Variants in RHOBTB1 observed in about 807,000 individuals in gnomAD.
RHOBTB1 encodes Rho related BTB domain containing 1, also known as rho-related BTB domain-containing protein 1.
In RHOBTB1, 40 loss-of-function variants were observed where a neutral mutation model predicts 71.6. The observed-to-expected ratio is 0.56, with a 90% CI of 0.43 to 0.73. The LOEUF (loss-of-function observed/expected upper bound fraction) is 0.73. RHOBTB1 is among the 30% of genes least tolerant of loss of function. The pLI, the probability that RHOBTB1 is intolerant of heterozygous loss-of-function variation, is 0.00. For synonymous variants in RHOBTB1, 319 were observed against 334.9 expected (o/e 0.95, Z 0.52); for missense variants, 797 against 894.0 (o/e 0.89, Z 1.38).
rs972487022 is a variant in RHOBTB1 at position 60,957,679 on chromosome 10, G to C, written c.-61-15825C>G. Among the ~76,000 whole-genome samples the C allele has an allele frequency of 4.6e-5, 7 of 152,162 alleles. No individual in the cohort carries two copies. The East Asian group carries it at 1.2e-3, about 25-fold the overall frequency. On this transcript the variant is annotated intron_variant, in intron 2 of 11. Transcript: ENST00000357917. ...AAGTAGTGGTAAAAGAAAAAAAAAA[G>C]GTTTTTGGATAACTTGGAAATTTAA... is the stretch of plus-strand genomic sequence containing the variant.
At chr10:60,930,686 A>C (rs1291136534) in intron 2 of RHOBTB1, among the ~76,000 whole-genome samples, 2 of 152,190 alleles carry the variant, frequency 1.3e-5, no homozygotes, top group African/African-American at 4.8e-5. Flanking sequence ...TATGCACCTT[A>C]CAGTGAACCT....
chr10:60,923,445 C>T (rs2083681929), intron 2 of RHOBTB1, among the ~76,000 whole-genome samples: 1 of 152,172 alleles, frequency 6.6e-6, no homozygotes, highest in Non-Finnish European at 1.5e-5. Context: ...GTGCTGGCAA[C>T]AGTACATAGT....
intron 2 of RHOBTB1, among the ~76,000 whole-genome samples, chr10:60,956,359 G>A (rs2085592923): frequency 6.6e-6 from 1 of 152,130 alleles, no homozygotes; most frequent in Non-Finnish European, 1.5e-5. Context: ...TAAATAGTGG[G>A]TGAATGTGAA....
intron 4 of RHOBTB1, among the ~76,000 whole-genome samples, chr10:60,893,325 C>T (rs1277516601): frequency 6.6e-6 from 1 of 152,178 alleles, no homozygotes; most frequent in Non-Finnish European, 1.5e-5. Flanking sequence ...TATTTCTCTT[C>T]ATCACAAGAA....
At chr10:60,912,186 A>AT (rs2083015159) in intron 2 of RHOBTB1, among the ~76,000 whole-genome samples, 1 of 146,910 alleles carries the variant, frequency 6.8e-6, no homozygotes, top group African/African-American at 2.6e-5. Flanking sequence ...ATAATTCATA[A>AT]ATATATATGT....
At chr10:60,958,260 G>C (rs2085662589) in intron 2 of RHOBTB1, among the ~76,000 whole-genome samples, 1 of 152,030 alleles carries the variant, frequency 6.6e-6, no homozygotes, top group African/African-American at 2.4e-5. Context: ...AACACTAATG[G>C]GATTCTAAAT....
chr10:60,991,178 TATTCCAC>T (rs1169460655), intron 1 of RHOBTB1, among the ~76,000 whole-genome samples: 8 of 152,150 alleles, frequency 5.3e-5, no homozygotes, highest in Non-Finnish European at 1.0e-4. Context: ...TGCCAACCCA[TATTCCAC>T]ACGGTAGCCA....
chr10:60,945,910 T>G (rs1279234815), upstream of RHOBTB1, among the ~76,000 whole-genome samples: 1 of 152,080 alleles, frequency 6.6e-6, no homozygotes, highest in Non-Finnish European at 1.5e-5. Flanking sequence ...CCCAGGCGGG[T>G]GGCTCACGCC....
intron 1 of RHOBTB1, among the ~76,000 whole-genome samples, chr10:60,986,347 C>G (rs1430224706): frequency 6.8e-6 from 1 of 147,774 alleles, no homozygotes; most frequent in Non-Finnish European, 1.5e-5. Context: ...CCATGACTTT[C>G]TTTTTACCTT....
chr10:60,903,529 A>C (rs544726649), intron 4 of RHOBTB1, among the ~76,000 whole-genome samples: 114 of 152,288 alleles, frequency 7.5e-4, no homozygotes, highest in African/African-American at 2.4e-3. Flanking sequence ...CAAAAGACAA[A>C]ATTGTTACTA....
intron 2 of RHOBTB1, among the ~76,000 whole-genome samples, chr10:60,951,442 G>A (rs1226783591): frequency 6.6e-6 from 1 of 152,134 alleles, no homozygotes; most frequent in Non-Finnish European, 1.5e-5. Flanking sequence ...AAATATTTAT[G>A]CCTACTTTAA....
chr10:60,901,494 T>C (rs2082411414), intron 4 of RHOBTB1, among the ~76,000 whole-genome samples: 1 of 152,242 alleles, frequency 6.6e-6, no homozygotes. Context: ...CCTTTCCTTT[T>C]GGATTACCAG....
chr10:60,931,405 G>A (rs1433337932), intron 2 of RHOBTB1, among the ~76,000 whole-genome samples: 1 of 152,024 alleles, frequency 6.6e-6, no homozygotes, highest in East Asian at 1.9e-4. Flanking sequence ...TCCTATTCTG[G>A]ACACTTCATA....
intron 2 of RHOBTB1, among the ~76,000 whole-genome samples, chr10:60,933,633 G>A (rs866991839): frequency 2.6e-5 from 4 of 151,990 alleles, no homozygotes; most frequent in Non-Finnish European, 1.5e-5. Flanking sequence ...GGCAGGAGGC[G>A]GAGGTTGCAG....
chr10:60,878,633 G>A (rs975690709), intron 7 of RHOBTB1, among the ~76,000 whole-genome samples: 25 of 152,228 alleles, frequency 1.6e-4, no homozygotes, highest in Non-Finnish European at 2.1e-4. Flanking sequence ...CTACTGGAAC[G>A]TTATCAGTTA....
intron 4 of RHOBTB1, among the ~76,000 whole-genome samples, chr10:60,903,321 T>A (rs2082498641): frequency 6.6e-6 from 1 of 152,288 alleles, no homozygotes; most frequent in African/African-American, 2.4e-5. Flanking sequence ...GAAGGCAGGC[T>A]GGGATTCAAT....
intron 7 of RHOBTB1, among the ~76,000 whole-genome samples, chr10:60,880,462 CAT>C (rs952110314): frequency 3.3e-5 from 5 of 152,066 alleles, no homozygotes; most frequent in Admixed American, 6.6e-5. Context: ...CTTAACGTAT[CAT>C]AGGGAAGGTT....
chr10:60,910,107 C>G (rs1456398682), intron 4 of RHOBTB1, among the ~76,000 whole-genome samples: 1 of 152,036 alleles, frequency 6.6e-6, no homozygotes, highest in Non-Finnish European at 1.5e-5. Context: ...TATCTACGTT[C>G]TACACTGAAA....
chr10:60,922,067 G>C (rs890566759), intron 2 of RHOBTB1, among the ~76,000 whole-genome samples: 1 of 152,112 alleles, frequency 6.6e-6, no homozygotes, highest in Non-Finnish European at 1.5e-5. Flanking sequence ...CTAGTTTCTA[G>C]AGCCGATTTA....
Sources: gnomAD v4.1 joint callset for allele counts (sites outside exome capture counted in the v4.1 genomes callset) on GRCh38, gnomAD v4.1.1 for gene constraint, MANE v1.5 for transcripts, NCBI Gene and HGNC (gene_info 2026-07-23, HGNC 2026-07-21) for gene names.